Variants in MCRIP1 observed in about 807,000 individuals in gnomAD.
MCRIP1 encodes the protein MAPK regulated corepressor interacting protein 1, also known as mapk-regulated corepressor-interacting protein 1.
In MCRIP1, 10 loss-of-function variants were observed where a neutral mutation model predicts 14.4. That is an observed-to-expected ratio of 0.70 (90% confidence interval 0.43 to 1.18). The LOEUF (loss-of-function observed/expected upper bound fraction) is 1.18. Among genes scored for constraint, MCRIP1 ranks in the 50% most tolerant of loss-of-function variants. The probability of loss-of-function intolerance (pLI) is 0.00; values close to 1 mark genes in which losing one functional copy is unlikely to be tolerated. For synonymous variants in MCRIP1, 53 were observed against 55.7 expected, an observed-to-expected ratio of 0.95 and a Z score of 0.21; for missense variants, 119 against 135.4, an observed-to-expected ratio of 0.88 and a Z score of 0.60.
rs2038389438 is a variant in MCRIP1, at chr17:81,826,132, G to A, written c.-48-1578C>T. 9 of 1,484,502 alleles carry A rather than the reference G, an allele frequency of 6.1e-6. No homozygotes were observed. In the South Asian group the frequency reaches 1.2e-4, roughly 20 times the overall value. The allele number at this position is 1,484,502 out of a possible 1,614,324, so 92.0% of individuals were successfully genotyped here. Reference sequence around the variant, plus strand: ...CACACCTTTGGCCTGGGATCCCCCTGCTGGGTTCGGTTGTCACTCCTGCCC... The same window carrying A: ...CACACCTTTGGCCTGGGATCCCCCTACTGGGTTCGGTTGTCACTCCTGCCC... On this transcript the variant is annotated intron_variant, in intron 1 of 4. Coordinates refer to ENST00000455127, the MANE Select transcript of MCRIP1 (RefSeq NM_207368.5).
At chr17:81,828,061 T>G (rs2038446182) in intron 1 of MCRIP1, among the ~76,000 whole-genome samples, 1 of 152,036 alleles carries the variant, frequency 6.6e-6, no homozygotes, top group Admixed American at 6.6e-5. Context: ...ATTACAGGTG[T>G]GAGCTACCAC....
intron 1 of MCRIP1, among the ~76,000 whole-genome samples, chr17:81,826,934 A>G (rs1286204728): frequency 6.6e-6 from 1 of 151,734 alleles, no homozygotes; most frequent in African/African-American, 2.4e-5. Context: ...CCTGGCCAAT[A>G]TGGTGAAACC....
intron 1 of MCRIP1, chr17:81,824,893 C>T: frequency 8.4e-7 from 1 of 1,194,536 alleles, no homozygotes; most frequent in Admixed American, 4.2e-5. Flanking sequence ...AGAGCCCCTC[C>T]CCACGTGGGC....
In MCRIP1 at chr17:81,824,484, C is replaced by T; in HGVS notation, c.8+15G>A. 1.3e-6 allele frequency: 2 copies of T among 1,536,020 alleles called. No individual in the cohort carries two copies. Among genetic ancestry groups the T allele is most frequent in the South Asian group, 1.2e-5 (1 of 84,066 alleles). On this transcript the variant is annotated intron_variant, in intron 2 of 4. Coordinates refer to ENST00000455127, the MANE Select transcript of MCRIP1 (RefSeq NM_207368.5). ...CCCGCCCCGGTGGAGACCAGCCCAC[C>T]TGCCTGAGACCCACCTGGTCATCGC...
intron 1 of MCRIP1, chr17:81,825,365 C>A: frequency 8.5e-7 from 1 of 1,182,830 alleles, no homozygotes; most frequent in African/African-American, 1.6e-5. Flanking sequence ...CACACAACCC[C>A]AAGGTGGGGA....
chr17:81,827,756 C>T (rs1426279928), intron 1 of MCRIP1, among the ~76,000 whole-genome samples: 1 of 149,186 alleles, frequency 6.7e-6, no homozygotes, highest in Admixed American at 6.7e-5. Context: ...TAAATATATA[C>T]ACCTATTGTG....
At position 81,823,660 on chromosome 17, in the gene MCRIP1, C is replaced by T; in HGVS notation, c.128-147G>A. The T allele has an allele frequency of 1.5e-6, 1 of 682,168 alleles. No homozygotes were observed. Among genetic ancestry groups the T allele is most frequent in the Non-Finnish European group, 2.5e-6 (1 of 396,962 alleles). 42.3% of individuals were successfully genotyped at this position (682,168 alleles called of 1,614,324 possible). A position where few individuals can be genotyped will look rare whatever the true frequency, so the allele number is the denominator to read the frequency against. ...CCATGCTCCCCCACAGCCCTCTGCCCACCCCAGCCTCACTCACCTGCAGAC... is the reference window on the plus strand; with the variant it reads ...CCATGCTCCCCCACAGCCCTCTGCCTACCCCAGCCTCACTCACCTGCAGAC... On this transcript the variant is annotated intron_variant, in intron 3 of 4. Coordinates refer to ENST00000455127, the MANE Select transcript of MCRIP1 (RefSeq NM_207368.5). This position sits in a 1 kb window ranked among gnomAD's most constrained non-coding sequence, Gnocchi z 6.0.
At chr17:81,824,783 A>G in intron 1 of MCRIP1, 2 of 1,415,966 alleles carry the variant, frequency 1.4e-6, no homozygotes, top group Non-Finnish European at 1.8e-6. Flanking sequence ...CCAGACACAC[A>G]CACAACTTGA....
chr17:81,828,637 G>A (rs1443231771), intron 1 of MCRIP1, among the ~76,000 whole-genome samples: 2 of 152,102 alleles, frequency 1.3e-5, no homozygotes, highest in Non-Finnish European at 2.9e-5. Flanking sequence ...GCCAGAGGGG[G>A]CACCACAGCC....
chr17:81,825,292 T>G, intron 1 of MCRIP1: 14 of 1,077,798 alleles, frequency 1.3e-5, no homozygotes, highest in South Asian at 2.5e-5. Flanking sequence ...AAAAATGGAG[T>G]CTATTTTGAG....
At chr17:81,828,594 C>T (rs2038458687) in intron 1 of MCRIP1, among the ~76,000 whole-genome samples, 1 of 152,146 alleles carries the variant, frequency 6.6e-6, no homozygotes, top group Non-Finnish European at 1.5e-5. Context: ...GGTAGCAATG[C>T]ACACCTGGCC....
intron 1 of MCRIP1, chr17:81,825,264 G>T (rs1278793731): frequency 1.8e-6 from 2 of 1,103,968 alleles, no homozygotes; most frequent in Non-Finnish European, 1.1e-6. Context: ...CCCAGCCCAG[G>T]GGAATCCACG....
intron 1 of MCRIP1, among the ~76,000 whole-genome samples, chr17:81,828,632 AG>A (rs1306187494): frequency 2.0e-5 from 3 of 152,126 alleles, no homozygotes; most frequent in African/African-American, 4.8e-5. Flanking sequence ...CAGCAGCCAG[AG>A]GGGGCACCAC....
rs1036334387 is a variant in MCRIP1, at chr17:81,823,339, G to A, written c.230-28C>T. 7 of 1,536,700 alleles carry A rather than the reference G, an allele frequency of 4.6e-6. No homozygotes were observed. The African/African-American group carries it at 8.2e-5, about 18-fold the overall frequency. ...GCCAGGGGACAACGCGGTAGGTGGT[G>A]GGCACAGGCCCCTCCTGCCCATGAG... On this transcript the variant is annotated intron_variant, in intron 4 of 4. Transcript: ENST00000455127. The surrounding 1 kb of genome is among the most constrained non-coding windows in gnomAD (Gnocchi z 6.0).
chr17:81,824,715 C>A, intron 1 of MCRIP1, 161 bp from the exon 2 acceptor site: 1 of 1,450,112 alleles, frequency 6.9e-7, no homozygotes, highest in Non-Finnish European at 9.1e-7. Context: ...GGTCCAGCCA[C>A]AGGCAGCCAG....
chr17:81,825,324 G>C, intron 1 of MCRIP1: 1 of 1,155,332 alleles, frequency 8.7e-7, no homozygotes, highest in Non-Finnish European at 1.1e-6. Flanking sequence ...CACACTGGCA[G>C]GCTGGACAGT....
chr17:81,823,029 G>GCCCAGA lies in MCRIP1; in HGVS notation c.*212_*217dup. On this transcript the variant is annotated 3_prime_UTR_variant, in exon 5 of 5. Coordinates refer to ENST00000455127, the MANE Select transcript of MCRIP1 (RefSeq NM_207368.5). This position sits in a 1 kb window ranked among gnomAD's most constrained non-coding sequence, Gnocchi z 6.0. ...GGGGGAGGGCAGGAGGGTGGGCAGG[G>GCCCAGA]CCCAGACCCCCATGATGGGGGCAGC... The GCCCAGA allele has an allele frequency of 1.6e-6, 1 of 611,694 alleles. No homozygotes were observed. The highest frequency in any genetic ancestry group is 2.9e-6 in the Non-Finnish European group (1 of 344,876). The allele number at this position is 611,694 out of a possible 1,614,324, so 37.9% of individuals were successfully genotyped here.
chr17:81,824,342 G>A lies in MCRIP1; in HGVS notation c.72C>T (p.Ser24=). 6.5e-7 allele frequency: 1 copy of A among 1,531,020 alleles called. No homozygotes were observed. Among genetic ancestry groups the A allele is most frequent in the Non-Finnish European group, 8.7e-7 (1 of 1,144,604 alleles). 94.8% of individuals were successfully genotyped at this position (1,531,020 alleles called of 1,614,324 possible). ...GGGCTGGGGTGAAGATCTCGCTGCT[G>A]CTGGGTGGGGAGCGGGGGCTGCTGG... is the stretch of plus-strand genomic sequence containing the variant. ...KRTSSPRSPP[S]SSEIFTPAHE... The change falls in exon 3 of 5, where the codon AGC becomes AGT. Residue 24 remains serine (S), a synonymous_variant. Coordinates refer to ENST00000455127, the MANE Select transcript of MCRIP1 (RefSeq NM_207368.5).
chr17:81,831,147 G>A (rs974806516), intron 1 of MCRIP1, among the ~76,000 whole-genome samples: 6 of 147,540 alleles, frequency 4.1e-5, no homozygotes, highest in Admixed American at 2.7e-4. Flanking sequence ...ACTCCAGCCT[G>A]GGCAACAGAG....
Sources: gnomAD v4.1 joint callset for allele counts (sites outside exome capture counted in the v4.1 genomes callset) on GRCh38, gnomAD v4.1.1 for gene constraint, Gnocchi (gnomAD v3.1) non-coding constraint, MANE v1.5 for transcripts, NCBI Gene and HGNC (gene_info 2026-07-23, HGNC 2026-07-21) for gene names.